The following FARP1 variants were observed in gnomAD, a reference collection of about 807,000 sequenced individuals.
The protein encoded by FARP1 is FERM, ARH/RhoGEF and pleckstrin domain protein 1, also known as FERM, ARHGEF and pleckstrin domain-containing protein 1.
A neutral mutation model predicts 128.8 loss-of-function variants in FARP1; 52 were observed. The ratio of observed to expected loss-of-function variants is 0.40; its 90% CI spans 0.32 to 0.51. The LOEUF is 0.51. FARP1 is among the 20% of genes least tolerant of loss of function. The pLI is 0.45. For missense variants in FARP1, 1,333 were observed against 1,367.9 expected, an observed-to-expected ratio of 0.97 and a Z score of 0.40; for synonymous variants, 580 against 551.8, an observed-to-expected ratio of 1.05 and a Z score of -0.72.
chr13:98,303,291 A>G (rs548496196), intron 2 of FARP1, among the ~76,000 whole-genome samples: 1 of 152,284 alleles, frequency 6.6e-6, no homozygotes, highest in South Asian at 2.1e-4. Context: ...GTGATATGGA[A>G]ATGTTTCAGA....
intron 3 of FARP1, among the ~76,000 whole-genome samples, chr13:98,348,452 G>A (rs1183299022): frequency 6.6e-6 from 1 of 152,234 alleles, no homozygotes; most frequent in Non-Finnish European, 1.5e-5. Context: ...ATGGCCATGG[G>A]GGCGAGTTCC....
chr13:98,414,419 C>T (rs1213235824), intron 16 of FARP1, among the ~76,000 whole-genome samples: 1 of 152,140 alleles, frequency 6.6e-6, no homozygotes, highest in Non-Finnish European at 1.5e-5. Flanking sequence ...ATCAATTACT[C>T]AAGAACATGA....
intron 2 of FARP1, among the ~76,000 whole-genome samples, chr13:98,226,719 G>A (rs538069080): frequency 6.6e-6 from 1 of 152,226 alleles, no homozygotes; most frequent in African/African-American, 2.4e-5. Context: ...ATGTGTACTT[G>A]GAATTAGAAC....
chr13:98,244,731 T>C lies in FARP1; in HGVS notation c.171+31318T>C, dbSNP rs769424413. ...TTGAGTCAGGACTTGAAGTCCTGTT[T>C]CATTATTTCATTCAAAGAAATTGAT... On this transcript the variant is annotated intron_variant, in intron 2 of 26. Coordinates refer to ENST00000319562, the MANE Select transcript of FARP1 (RefSeq NM_005766.4). 2.6e-5 allele frequency: 41 copies of C among 1,606,880 alleles called. 1 individual carries two copies. The highest frequency in any genetic ancestry group is 3.1e-5 in the Non-Finnish European group (36 of 1,174,592).
chr13:98,402,952 G>A (rs763400704), intron 13 of FARP1: 5 of 152,096 alleles, frequency 3.3e-5, no homozygotes, highest in African/African-American at 4.8e-5. Flanking sequence ...AACATTTTCC[G>A]TTGTTCCATT....
At chr13:98,289,512 G>C (rs1308079224) in intron 2 of FARP1, among the ~76,000 whole-genome samples, 7 of 152,092 alleles carry the variant, frequency 4.6e-5, no homozygotes, top group African/African-American at 1.4e-4. Context: ...AAAATATTTG[G>C]TTATCTTCAG....
At chr13:98,340,250 A>G (rs189336505) in intron 2 of FARP1, among the ~76,000 whole-genome samples, 69 of 152,278 alleles carry the variant, frequency 4.5e-4, no homozygotes, top group African/African-American at 1.6e-3. Context: ...TTCATCACAG[A>G]TAGGAAATGT....
In FARP1 at chr13:98,176,047, G is replaced by A; in HGVS notation, c.-24+32555G>A. 2.1e-6 allele frequency: 2 copies of A among 958,966 alleles called. No individual in the cohort carries two copies. Among genetic ancestry groups the A allele is most frequent in the Non-Finnish European group, 3.2e-6 (2 of 615,548 alleles). 59.4% of individuals were successfully genotyped at this position (958,966 alleles called of 1,614,324 possible). ...GAGTGCACATACCTCTTTGAGATCC[G>A]GATTTCAATTCTTTTGGTTACATAC... On this transcript the variant is annotated intron_variant, in intron 1 of 26. Coordinates refer to ENST00000319562, the MANE Select transcript of FARP1 (RefSeq NM_005766.4). The surrounding 1 kb of genome is among the most constrained non-coding windows in gnomAD (Gnocchi z 6.2).
At chr13:98,445,101 GC>G (rs1892741891) in intron 24 of FARP1, 1 of 152,294 alleles carries the variant, frequency 6.6e-6, no homozygotes, top group African/African-American at 2.4e-5. Context: ...CAACTGGAGG[GC>G]AGGGACATCA....
intron 18 of FARP1, chr13:98,435,103 T>TA (rs1199471417): frequency 6.5e-6 from 1 of 153,320 alleles, no homozygotes; most frequent in Admixed American, 6.5e-5. Context: ...GGTGGAATGT[T>TA]AGTTACCTGG....
intron 1 of FARP1, among the ~76,000 whole-genome samples, chr13:98,153,330 A>T (rs9584761): frequency 6.9e-5 from 9 of 130,196 alleles, no homozygotes; most frequent in African/African-American, 1.4e-4. Context: ...TAAATAATAT[A>T]ATATATAAAA....
chr13:98,195,504 G>C (rs1344435189), intron 1 of FARP1, among the ~76,000 whole-genome samples: 3 of 152,080 alleles, frequency 2.0e-5, no homozygotes, highest in African/African-American at 7.2e-5. Context: ...ATGTGCCCTG[G>C]GTGTGTTTAG....
intron 16 of FARP1, among the ~76,000 whole-genome samples, chr13:98,424,170 TACCC>T (rs1211718766): frequency 2.8e-4 from 43 of 152,354 alleles, no homozygotes; most frequent in African/African-American, 9.9e-4. Context: ...TGTCTAGCAG[TACCC>T]ATCTCTAGGA....
intron 2 of FARP1, among the ~76,000 whole-genome samples, chr13:98,215,892 G>A (rs542985396): frequency 5.3e-5 from 8 of 152,008 alleles, no homozygotes; most frequent in Admixed American, 5.3e-4. Context: ...CTGGGTTTAA[G>A]CGATTCTTCT....
In FARP1 at chr13:98,288,916, CAT is replaced by C. The variant is rs1885321137; in HGVS notation, c.172-54843_172-54842del. 2.0e-5 allele frequency among the ~76,000 whole-genome samples: 3 copies of C among 148,982 alleles called. No homozygotes were observed. In the South Asian group the frequency reaches 6.3e-4, roughly 32 times the overall value. On this transcript the variant is annotated intron_variant, in intron 2 of 26. Transcript: ENST00000319562. ...TCTCAAATGTCTTAATTGTGCCAGT[CAT>C]ATGTTATGAATTCTATTTCTGGGTA...
At chr13:98,312,802 G>A (rs1452926115) in intron 2 of FARP1, among the ~76,000 whole-genome samples, 7 of 152,122 alleles carry the variant, frequency 4.6e-5, no homozygotes, top group Admixed American at 6.5e-5. Context: ...TATAGAGGCC[G>A]TGTGCACAGG....
At chr13:98,191,359 C>T (rs1394789422) in intron 1 of FARP1, among the ~76,000 whole-genome samples, 1 of 152,126 alleles carries the variant, frequency 6.6e-6, no homozygotes, top group East Asian at 1.9e-4. Context: ...AACTAAATAG[C>T]AGTTAGGTCT....
intron 2 of FARP1, among the ~76,000 whole-genome samples, chr13:98,245,586 G>C (rs1883008549): frequency 6.6e-6 from 1 of 152,184 alleles, no homozygotes; most frequent in Non-Finnish European, 1.5e-5. Context: ...GCCTGAGCTA[G>C]ATAGAATAGC....
chr13:98,412,424 G>A (rs572671153), intron 16 of FARP1, among the ~76,000 whole-genome samples: 1 of 152,330 alleles, frequency 6.6e-6, no homozygotes, highest in South Asian at 2.1e-4. Context: ...TACATGCCTT[G>A]TGCAGTTTTC....
Sources: allele counts gnomAD v4.1 joint callset (sites outside exome capture counted in the v4.1 genomes callset), GRCh38; gene constraint gnomAD v4.1.1; non-coding constraint Gnocchi (gnomAD v3.1); transcripts MANE v1.5; gene names NCBI Gene and HGNC (gene_info 2026-07-23, HGNC 2026-07-21).